ROR2: variants seen among roughly 807,000 people sequenced by gnomAD.
The protein encoded by ROR2 is ROR family WNT receptor 2, also known as tyrosine-protein kinase transmembrane receptor ROR2.
A neutral mutation model predicts 74.9 loss-of-function variants in ROR2; 33 were observed. The ratio of observed to expected loss-of-function variants is 0.44; its 90% confidence interval spans 0.33 to 0.59. The LOEUF is 0.59. Among genes scored for constraint, ROR2 ranks in the 20% least tolerant of loss-of-function variants. The pLI, the probability that ROR2 is intolerant of heterozygous loss-of-function variation, is 0.02. For synonymous variants in ROR2, 586 were observed against 558.7 expected (o/e 1.05, Z -0.69); for missense variants, 1,216 against 1,313.8 (o/e 0.93, Z 1.15).
chr9:91,867,656 C>CTCTGGG (rs564755026), intron 1 of ROR2, among the ~76,000 whole-genome samples: 1 of 131,288 alleles, frequency 7.6e-6, no homozygotes, highest in Admixed American at 7.8e-5. Context: ...CACCCATGAG[C>CTCTGGG]TGTGTGTGTG....
chr9:91,919,020 C>T (rs917891399), intron 1 of ROR2, among the ~76,000 whole-genome samples: 3 of 144,328 alleles, frequency 2.1e-5, no homozygotes, highest in Admixed American at 6.6e-5. Context: ...ACCTCATTTC[C>T]AGACCACTCC....
chr9:91,918,982 G>A (rs546749920), intron 1 of ROR2, among the ~76,000 whole-genome samples: 5 of 151,420 alleles, frequency 3.3e-5, no homozygotes, highest in Non-Finnish European at 7.4e-5. Flanking sequence ...GGTCTTCCCC[G>A]CCCCTCTCTG....
At chr9:91,849,878 A>T (rs1829040645) in intron 1 of ROR2, among the ~76,000 whole-genome samples, 1 of 152,164 alleles carries the variant, frequency 6.6e-6, no homozygotes, top group Non-Finnish European at 1.5e-5. Flanking sequence ...CTACTTGGAG[A>T]TCTTTGAGGT....
At chr9:91,822,779 C>T (rs1370972301) in intron 1 of ROR2, among the ~76,000 whole-genome samples, 2 of 152,160 alleles carry the variant, frequency 1.3e-5, no homozygotes, top group African/African-American at 4.8e-5. Flanking sequence ...CCACCACTTT[C>T]ACCAGGTGGT....
intron 1 of ROR2, among the ~76,000 whole-genome samples, chr9:91,927,905 G>A (rs1249162139): frequency 1.3e-5 from 2 of 152,022 alleles, no homozygotes; most frequent in Admixed American, 6.6e-5. Context: ...ATTCATCACA[G>A]GGTCAATTGT....
chr9:91,806,807 T>C lies in ROR2; in HGVS notation c.98-30989A>G, dbSNP rs192570900. ...GGTTTCACCGTGTTAGCCAGGATGG[T>C]CTCGATCTCCTGACCTTGTGATCCG... On this transcript the variant is annotated intron_variant, in intron 1 of 8. Transcript: ENST00000375708. Among the ~76,000 whole-genome samples, 389 of 152,298 alleles carry C rather than the reference T, an allele frequency of 2.6e-3. 1 individual carries two copies. Among genetic ancestry groups the C allele is most frequent in the Non-Finnish European group, 4.5e-3 (306 of 68,018 alleles).
intron 6 of ROR2, among the ~76,000 whole-genome samples, chr9:91,732,507 G>C (rs1258170629): frequency 6.6e-6 from 1 of 152,174 alleles, no homozygotes; most frequent in African/African-American, 2.4e-5. Context: ...TCAGGGACCT[G>C]TAGAAAGGTG....
intron 1 of ROR2, among the ~76,000 whole-genome samples, chr9:91,795,978 C>CCT (rs10636189): frequency 0.095 from 14,465 of 152,066 alleles, 1,115 homozygotes; most frequent in East Asian, 0.29. Context: ...GAAGATGAGA[C>CCT]CATGAAAAGA....
intron 1 of ROR2, among the ~76,000 whole-genome samples, chr9:91,792,301 TTCTA>T (rs1255620588): frequency 4.0e-5 from 6 of 149,042 alleles, no homozygotes; most frequent in African/African-American, 1.5e-4. Context: ...CAAAAGTTGG[TTCTA>T]TTTTTTTTTT....
intron 1 of ROR2, among the ~76,000 whole-genome samples, chr9:91,917,687 G>C (rs927833513): frequency 6.6e-6 from 1 of 152,212 alleles, no homozygotes; most frequent in Admixed American, 6.5e-5. Context: ...AGCGTACCTG[G>C]TGTAGAGCTG....
chr9:91,949,110 T>A (rs1203167487), intron 1 of ROR2, among the ~76,000 whole-genome samples: 1 of 146,684 alleles, frequency 6.8e-6, no homozygotes. Flanking sequence ...CTCCTACAGG[T>A]CCCGGGGGTC....
At chr9:91,736,722 G>A (rs191685738) in intron 5 of ROR2, among the ~76,000 whole-genome samples, 31 of 152,274 alleles carry the variant, frequency 2.0e-4, no homozygotes, top group Admixed American at 1.5e-3. Context: ...CAATGTGTTC[G>A]AGTTGTATGC....
At chr9:91,763,705 G>A (rs934637245) in intron 2 of ROR2, among the ~76,000 whole-genome samples, 3 of 152,154 alleles carry the variant, frequency 2.0e-5, no homozygotes, top group Non-Finnish European at 4.4e-5. Context: ...TGCATTAAGT[G>A]TAAAATTTTC....
chr9:91,800,135 A>T (rs975922869), intron 1 of ROR2, among the ~76,000 whole-genome samples: 1 of 152,302 alleles, frequency 6.6e-6, no homozygotes, highest in South Asian at 2.1e-4. Context: ...TGAGGTCAGG[A>T]GTTCGAGACC....
Position 91,936,649 on chromosome 9 carries a change from G to A in ROR2, c.97+13218C>T, listed in dbSNP as rs77491243. On this transcript the variant is annotated intron_variant, in intron 1 of 8. Transcript: ENST00000375708. ...TAAAAAGTCAGTAAGTGGGAACCCT[G>A]AGCCTCCATTATAATGGCCATAAAA... 1.1e-3 allele frequency among the ~76,000 whole-genome samples: 171 copies of A among 152,300 alleles called. 1 individual carries two copies. The highest frequency in any genetic ancestry group is 0.01 in the East Asian group (52 of 5,184).
intron 1 of ROR2, among the ~76,000 whole-genome samples, chr9:91,800,516 C>T (rs570692959): frequency 1.3e-5 from 2 of 152,070 alleles, no homozygotes; most frequent in African/African-American, 2.4e-5. Flanking sequence ...TGAGGACACA[C>T]GTGGCCTCAA....
intron 1 of ROR2, among the ~76,000 whole-genome samples, chr9:91,785,181 T>C (rs1341939753): frequency 6.6e-6 from 1 of 152,210 alleles, no homozygotes; most frequent in Non-Finnish European, 1.5e-5. Flanking sequence ...GCTGCTCCCC[T>C]GCAGTTTGCA....
chr9:91,736,721 C>T (rs1033769034), intron 5 of ROR2, among the ~76,000 whole-genome samples: 1 of 152,242 alleles, frequency 6.6e-6, no homozygotes. Context: ...TCAATGTGTT[C>T]GAGTTGTATG....
At position 91,774,533 on chromosome 9, in the gene ROR2, G is replaced by A. The variant is rs35725000; in HGVS notation, c.175+1208C>T. ...GGGTGTTATGAAAACACCGGGATTC[G>A]GTCTAGGTCCTCCTGCTCCCCAAAC... On this transcript the variant is annotated intron_variant, in intron 2 of 8. Transcript: ENST00000375708. 1.2e-4 allele frequency among the ~76,000 whole-genome samples: 18 copies of A among 152,164 alleles called. 1 individual carries two copies. The South Asian group carries it at 2.7e-3, about 23-fold the overall frequency.
Sources: allele counts gnomAD v4.1 joint callset (sites outside exome capture counted in the v4.1 genomes callset), GRCh38; gene constraint gnomAD v4.1.1; transcripts MANE v1.5; gene names NCBI Gene and HGNC (gene_info 2026-07-23, HGNC 2026-07-21).